FRMD4B: variants seen among roughly 807,000 people sequenced by gnomAD.
FRMD4B encodes the protein FERM domain containing 4B.
Under a neutral mutation model 141.5 loss-of-function variants are expected in FRMD4B, and 74 were observed. The observed-to-expected ratio is 0.52, with a 90% confidence interval of 0.43 to 0.63. FRMD4B has a LOEUF of 0.63. Among genes scored for constraint, FRMD4B ranks in the 30% least tolerant of loss-of-function variants. The pLI is 0.00. For synonymous variants in FRMD4B, 506 were observed against 467.9 expected (o/e 1.08, Z -1.05); for missense variants, 1,366 against 1,253.4 (o/e 1.09, Z -1.36).
At chr3:69,293,108 AT>A in intron 4 of FRMD4B, 2 of 412,236 alleles carry the variant, frequency 4.9e-6, no homozygotes, top group South Asian at 3.5e-5. Context: ...ATGACAGAAC[AT>A]TACACCACTG....
intron 5 of FRMD4B, among the ~76,000 whole-genome samples, chr3:69,278,625 C>T (rs991524435): frequency 3.3e-5 from 5 of 151,210 alleles, no homozygotes; most frequent in Non-Finnish European, 7.4e-5. Flanking sequence ...TTTGCCCTGC[C>T]GCTCAGGCAG....
chr3:69,462,630 A>G (rs1705723605), intron 1 of FRMD4B, among the ~76,000 whole-genome samples: 1 of 152,226 alleles, frequency 6.6e-6, no homozygotes, highest in Non-Finnish European at 1.5e-5. Context: ...TTAACCATGC[A>G]TAGAACTCCC....
chr3:69,487,009 C>T (rs905874362), intron 1 of FRMD4B, among the ~76,000 whole-genome samples: 6 of 152,168 alleles, frequency 3.9e-5, no homozygotes, highest in African/African-American at 1.4e-4. Flanking sequence ...CCTTGCCTTT[C>T]TCTACACTTA....
At position 69,281,833 on chromosome 3, in the gene FRMD4B, A is replaced by AT. The variant is rs1194244721; in HGVS notation, c.501+5918_501+5919insA. Among the ~76,000 whole-genome samples the AT allele has an allele frequency of 8.3e-3, 433 of 52,084 alleles. 4 individuals carry two copies. The highest frequency in any genetic ancestry group is 0.08 in the East Asian group (136 of 1,690). The allele number at this position is 52,084 out of a possible 152,430, so 34.2% of individuals were successfully genotyped here. A position where few individuals can be genotyped will look rare whatever the true frequency, so the allele number is the denominator to read the frequency against. Reference sequence around the variant, plus strand: ...AGTAAGACTCCGTCTCAAAAAAAAAAAAAAAATATATATATATATTTTTGC... The same window carrying AT: ...AGTAAGACTCCGTCTCAAAAAAAAAATAAAAAATATATATATATATTTTTGC... On this transcript the variant is annotated intron_variant, in intron 5 of 22. Transcript: ENST00000398540.
chr3:69,233,448 A>G (rs2093324553), intron 7 of FRMD4B, among the ~76,000 whole-genome samples: 1 of 148,720 alleles, frequency 6.7e-6, no homozygotes, highest in Non-Finnish European at 1.5e-5. Context: ...CGCCTACTGC[A>G]CTCCAGCCTG....
chr3:69,205,949 A>G (rs1367196449), intron 11 of FRMD4B, among the ~76,000 whole-genome samples: 3 of 152,228 alleles, frequency 2.0e-5, no homozygotes, highest in Non-Finnish European at 4.4e-5. Flanking sequence ...CTTACAATTG[A>G]CCAGACTAGA....
rs75867610 is a variant in FRMD4B, at chr3:69,372,083, T to C, written c.162+13745A>G. Among the ~76,000 whole-genome samples, 406 of 152,310 alleles carry C rather than the reference T, an allele frequency of 2.7e-3. 12 individuals are homozygous for C. In the East Asian group the frequency reaches 0.068, roughly 26 times the overall value. On this transcript the variant is annotated intron_variant, in intron 1 of 22. Transcript: ENST00000398540. ...CACTGTGCTCTCCATTCCTACAACA[T>C]CCTAAGGTCTTTCCTGCCTCAGTGT...
chr3:69,389,382 A>G (rs1427147554), upstream of FRMD4B, among the ~76,000 whole-genome samples: 1 of 152,118 alleles, frequency 6.6e-6, no homozygotes, highest in Non-Finnish European at 1.5e-5. Flanking sequence ...ATGTGTTTTT[A>G]AATTTCAACT....
intron 2 of FRMD4B, among the ~76,000 whole-genome samples, chr3:69,406,117 C>T (rs1420855786): frequency 6.6e-6 from 1 of 152,184 alleles, no homozygotes; most frequent in Non-Finnish European, 1.5e-5. Context: ...GGCACTCACC[C>T]TTGCACTTCT....
intron 1 of FRMD4B, among the ~76,000 whole-genome samples, chr3:69,353,913 T>A (rs1373646735): frequency 6.6e-6 from 1 of 152,246 alleles, no homozygotes; most frequent in East Asian, 1.9e-4. Flanking sequence ...TGAAATGTCA[T>A]CTACTGTTTT....
intron 1 of FRMD4B, among the ~76,000 whole-genome samples, chr3:69,366,492 G>A (rs1004975914): frequency 2.9e-5 from 3 of 103,338 alleles, no homozygotes; most frequent in African/African-American, 8.6e-5. Flanking sequence ...CCCCTGCCAG[G>A]TAAGTATAGG....
chr3:69,492,726 T>C (rs1235381735), intron 1 of FRMD4B, among the ~76,000 whole-genome samples: 2 of 152,216 alleles, frequency 1.3e-5, no homozygotes, highest in African/African-American at 4.8e-5. Flanking sequence ...AGTGCTCCAT[T>C]TAGGCGGTCA....
chr3:69,366,369 G>C, intron 1 of FRMD4B, among the ~76,000 whole-genome samples: 1 of 152,080 alleles, frequency 6.6e-6, no homozygotes, highest in Non-Finnish European at 1.5e-5. Flanking sequence ...TCATACCATT[G>C]AATATACAAC....
intron 2 of FRMD4B, among the ~76,000 whole-genome samples, chr3:69,417,596 T>C (rs949575933): frequency 6.6e-6 from 1 of 152,238 alleles, no homozygotes; most frequent in Non-Finnish European, 1.5e-5. Flanking sequence ...TTGCTTTTGG[T>C]GTTTTAGTCA....
intron 8 of FRMD4B, among the ~76,000 whole-genome samples, chr3:69,223,561 G>A (rs899664834): frequency 7.9e-5 from 12 of 151,906 alleles, no homozygotes; most frequent in African/African-American, 2.4e-4. Context: ...GCGCTTGGTC[G>A]GGCCCGGTGG....
intron 11 of FRMD4B, among the ~76,000 whole-genome samples, chr3:69,204,091 G>A (rs2092998111): frequency 1.3e-5 from 2 of 152,100 alleles, no homozygotes; most frequent in African/African-American, 4.8e-5. Context: ...TAAATGGGGA[G>A]GGAGGGGCTG....
rs765806432 is a variant in FRMD4B at position 69,186,485 on chromosome 3, G to A, written c.1919+1285C>T. 3.0e-4 allele frequency among the ~76,000 whole-genome samples: 45 copies of A among 152,084 alleles called. 1 individual carries two copies. The highest frequency in any genetic ancestry group is 2.4e-4 in the Non-Finnish European group (16 of 68,022). ...CCAGCACTTTGGGAGACTGAGGCGG[G>A]TGGATCACCTGAGGTCAGGAGTTCA... On this transcript the variant is annotated intron_variant, in intron 19 of 22. Transcript: ENST00000398540.
Position 69,169,206 on chromosome 3 carries a change from C to T in FRMD4B, c.*2655G>A, listed in dbSNP as rs905262665. 2.0e-5 allele frequency among the ~76,000 whole-genome samples: 3 copies of T among 151,922 alleles called. No individual in the cohort carries two copies. The highest frequency in any genetic ancestry group is 2.9e-5 in the Non-Finnish European group (2 of 68,004). Reference sequence around the variant, plus strand: ...GTATTTTGTAATAAAAAAGAGGAAACGTACATGTTGAATAATGTACTTTTG... The same window carrying T: ...GTATTTTGTAATAAAAAAGAGGAAATGTACATGTTGAATAATGTACTTTTG... On this transcript the variant is annotated 3_prime_UTR_variant, in exon 23 of 23. Transcript: ENST00000398540.
chr3:69,376,055 C>G (rs1284978442), intron 1 of FRMD4B, among the ~76,000 whole-genome samples: 2 of 151,986 alleles, frequency 1.3e-5, no homozygotes, highest in South Asian at 4.1e-4. Context: ...ATAAAAGCAG[C>G]AGAATGATGC....
Sources: gnomAD v4.1 joint callset for allele counts (sites outside exome capture counted in the v4.1 genomes callset) on GRCh38, gnomAD v4.1.1 for gene constraint, MANE v1.5 for transcripts, NCBI Gene and HGNC (gene_info 2026-07-23, HGNC 2026-07-21) for gene names.